HMGN3: variants seen among roughly 807,000 people sequenced by gnomAD.
The protein encoded by HMGN3 is high mobility group nucleosomal binding domain 3, also known as high mobility group nucleosome-binding domain-containing protein 3.
In HMGN3, 6 loss-of-function variants were observed where a neutral mutation model predicts 18.8. The ratio of observed to expected loss-of-function variants is 0.32; its 90% confidence interval spans 0.18 to 0.63. HMGN3 has a LOEUF of 0.63. Among genes scored for constraint, HMGN3 ranks in the 30% least tolerant of loss-of-function variants. The pLI is 0.79. For missense variants in HMGN3, 107 were observed against 114.2 expected (o/e 0.94, Z 0.29); for synonymous variants, 40 against 36.5 (o/e 1.10, Z -0.35).
chr6:79,226,488 T>C (rs1171036089), intron 1 of HMGN3, among the ~76,000 whole-genome samples: 1 of 152,210 alleles, frequency 6.6e-6, no homozygotes, highest in Non-Finnish European at 1.5e-5. Flanking sequence ...AATTGCTTCA[T>C]TAAACTGTTG....
chr6:79,211,011 CA>C (rs59749044), intron 2 of HMGN3, among the ~76,000 whole-genome samples: 25,180 of 89,096 alleles, frequency 0.28, 2,240 homozygotes, highest in Middle Eastern at 0.33. Flanking sequence ...GAAATTAATG[CA>C]AAAAAAAAAA....
chr6:79,228,849 G>A (rs578213613), intron 1 of HMGN3, among the ~76,000 whole-genome samples: 1 of 152,328 alleles, frequency 6.6e-6, no homozygotes, highest in Non-Finnish European at 1.5e-5. Context: ...TTACAGGTGT[G>A]AGCCACTGCT....
chr6:79,221,435 T>C (rs987919783), intron 1 of HMGN3, among the ~76,000 whole-genome samples: 1 of 152,200 alleles, frequency 6.6e-6, no homozygotes, highest in Non-Finnish European at 1.5e-5. Flanking sequence ...ACTGAAGGGA[T>C]CAGAACTGTA....
chr6:79,220,692 C>T (rs142320368), intron 1 of HMGN3, among the ~76,000 whole-genome samples: 232 of 152,186 alleles, frequency 1.5e-3, no homozygotes, highest in African/African-American at 5.4e-3. Context: ...GGTGATCCAC[C>T]CACTTTGGCC....
intron 1 of HMGN3, among the ~76,000 whole-genome samples, chr6:79,216,585 CTT>C (rs373751838): frequency 1.0e-3 from 156 of 152,330 alleles, no homozygotes; most frequent in African/African-American, 2.4e-3. Context: ...GGATTTCTCT[CTT>C]GTTTCCAAAT....
At chr6:79,214,987 T>C (rs898562914) in exon 2 of HMGN3, 1 of 1,516,602 alleles carries the variant, frequency 6.6e-7, no homozygotes, top group Non-Finnish European at 9.0e-7. Flanking sequence ...GTTTAGTTAC[T>C]TTGGATCCAT....
intron 3 of HMGN3, among the ~76,000 whole-genome samples, chr6:79,207,430 G>A (rs1236527126): frequency 6.6e-6 from 1 of 152,142 alleles, no homozygotes; most frequent in Non-Finnish European, 1.5e-5. Context: ...CCCTGCAGAA[G>A]CTCTCTCTCT....
chr6:79,233,594 C>G (rs1777967118), intron 1 of HMGN3: 1 of 152,190 alleles, frequency 6.6e-6, no homozygotes, highest in Non-Finnish European at 1.5e-5. Context: ...ACTGATTTCT[C>G]AGGGAGGAGG....
chr6:79,234,600 T>G (rs1473303506), exon 1 of HMGN3: 8 of 1,606,486 alleles, frequency 5.0e-6, no homozygotes, highest in Non-Finnish European at 6.8e-6. Context: ...AGCAACGGAC[T>G]GGAACTGCTG....
At chr6:79,210,250 T>C (rs1776619445) in intron 2 of HMGN3, among the ~76,000 whole-genome samples, 1 of 152,156 alleles carries the variant, frequency 6.6e-6, no homozygotes, top group South Asian at 2.1e-4. Context: ...TTAATGTACT[T>C]TCTGAGCATA....
At chr6:79,201,820 A>C in intron 5 of HMGN3, 94 bp from the exon 7 acceptor site, 2 of 1,521,840 alleles carry the variant, frequency 1.3e-6, no homozygotes, top group Non-Finnish European at 1.7e-6. Context: ...AGTTTTGAAC[A>C]TTTGTTTTCT....
intron 3 of HMGN3, among the ~76,000 whole-genome samples, chr6:79,207,846 C>T (rs1328360716): frequency 1.3e-5 from 2 of 152,128 alleles, no homozygotes; most frequent in Non-Finnish European, 2.9e-5. Context: ...ATGCCTTTCC[C>T]TCTACCTTCT....
chr6:79,215,774 C>G (rs773323321), intron 1 of HMGN3, among the ~76,000 whole-genome samples: 4 of 152,156 alleles, frequency 2.6e-5, no homozygotes, highest in Non-Finnish European at 5.9e-5. Flanking sequence ...ATTTATTGGA[C>G]ACTGCACATG....
intron 3 of HMGN3, among the ~76,000 whole-genome samples, chr6:79,207,553 A>G (rs1776481048): frequency 6.6e-6 from 1 of 152,216 alleles, no homozygotes; most frequent in Admixed American, 6.5e-5. Flanking sequence ...CTTTTGTAAA[A>G]TGCCCAGTCT....
chr6:79,232,831 G>A (rs988555893), intron 1 of HMGN3, among the ~76,000 whole-genome samples: 4 of 152,156 alleles, frequency 2.6e-5, no homozygotes, highest in Middle Eastern at 3.2e-3. Flanking sequence ...GTATCTTGAT[G>A]ATTAGTTCCT....
chr6:79,221,268 A>G (rs905167579), intron 1 of HMGN3, among the ~76,000 whole-genome samples: 6 of 152,174 alleles, frequency 3.9e-5, no homozygotes, highest in Non-Finnish European at 7.3e-5. Flanking sequence ...ATTTGTACTG[A>G]TAATGAAGGC....
intron 1 of HMGN3, among the ~76,000 whole-genome samples, chr6:79,225,934 C>A (rs1028352084): frequency 6.6e-6 from 1 of 152,140 alleles, no homozygotes; most frequent in Non-Finnish European, 1.5e-5. Flanking sequence ...ACCATGGCAC[C>A]AGCCTATATT....
intron 3 of HMGN3, 46 bp from the exon 4 acceptor site, chr6:79,203,676 A>C (rs1776266435): frequency 1.4e-5 from 13 of 958,304 alleles, no homozygotes; most frequent in Non-Finnish European, 1.8e-5. Context: ...AAAAAAAAAA[A>C]CTATCAGCAC....
chr6:79,228,172 T>C (rs1164197930), intron 1 of HMGN3, among the ~76,000 whole-genome samples: 3 of 152,214 alleles, frequency 2.0e-5, no homozygotes, highest in African/African-American at 7.2e-5. Context: ...CATTATCACT[T>C]TCTGGCATGA....
Sources: allele counts gnomAD v4.1 joint callset (sites outside exome capture counted in the v4.1 genomes callset), GRCh38; gene constraint gnomAD v4.1.1; transcripts MANE v1.5; gene names NCBI Gene and HGNC (gene_info 2026-07-23, HGNC 2026-07-21).